The following NBAS variants were observed in gnomAD, a reference collection of about 807,000 sequenced individuals.
The protein encoded by NBAS is NAG/BC035112 fusion.
In NBAS, 219 loss-of-function variants were observed where a neutral mutation model predicts 302.5. That is an observed-to-expected ratio of 0.72 (90% CI 0.65 to 0.81). The LOEUF (loss-of-function observed/expected upper bound fraction) is 0.81, where lower values mean the gene tolerates loss of function less well. Among genes scored for constraint, NBAS ranks in the 30% least tolerant of loss-of-function variants. NBAS has a pLI of 0.00. For missense variants in NBAS, 2,932 were observed against 2,841.6 expected, an observed-to-expected ratio of 1.03 and a Z score of -0.72; for synonymous variants, 1,118 against 1,021.6, an observed-to-expected ratio of 1.09 and a Z score of -1.80.
chr2:14,957,278 C>CGTGTGTGTGTGTGTGTGTGTGTGT, the NBAS span, among the ~76,000 whole-genome samples: 3 of 147,484 alleles, frequency 2.0e-5, no homozygotes, highest in African/African-American at 7.5e-5. Context: ...TATACATATA[C>CGTGTGTGTGTGTGTGTGTGTGTGT]GTGTGTGTGT....
the NBAS span, among the ~76,000 whole-genome samples, chr2:14,994,168 T>C: frequency 6.6e-6 from 1 of 152,244 alleles, no homozygotes; most frequent in Admixed American, 6.5e-5. Context: ...CAGGAATTCA[T>C]TCATAACATG....
chr2:15,522,355 C>A (rs148909239), intron 9 of NBAS, among the ~76,000 whole-genome samples: 2 of 152,044 alleles, frequency 1.3e-5, no homozygotes, highest in Non-Finnish European at 2.9e-5. Flanking sequence ...ACATAAATCT[C>A]AAGTTTTGGC....
At chr2:15,308,659 C>G (rs1671138038) in intron 39 of NBAS, among the ~76,000 whole-genome samples, 1 of 152,208 alleles carries the variant, frequency 6.6e-6, no homozygotes, top group Admixed American at 6.5e-5. Flanking sequence ...ATTTCCTTCT[C>G]CTGCCTAATT....
At chr2:15,558,493 C>A in intron 2 of NBAS, 87 bp downstream of exon 2, 1 of 1,004,706 alleles carries the variant, frequency 1.0e-6, no homozygotes. Flanking sequence ...ACACACATTA[C>A]TTTTATTAGG....
At chr2:15,246,030 G>A (rs1453273094) in intron 44 of NBAS, among the ~76,000 whole-genome samples, 1 of 152,166 alleles carries the variant, frequency 6.6e-6, no homozygotes, top group African/African-American at 2.4e-5. Flanking sequence ...CTGAGAGTAA[G>A]TTATATGTGG....
chr2:15,360,429 G>A (rs141794928), intron 32 of NBAS, among the ~76,000 whole-genome samples: 4,124 of 151,256 alleles, frequency 0.027, 74 homozygotes, highest in Middle Eastern at 0.031. Flanking sequence ...CTGTAACCTC[G>A]TGAACTCCTT....
the NBAS span, among the ~76,000 whole-genome samples, chr2:14,936,115 G>A: frequency 1.5e-3 from 228 of 152,264 alleles, no homozygotes; most frequent in African/African-American, 4.6e-3. Context: ...ATAATGTTTA[G>A]GTCAAAATAT....
At chr2:15,066,908 G>A in the NBAS span, among the ~76,000 whole-genome samples, 1 of 152,076 alleles carries the variant, frequency 6.6e-6, no homozygotes, top group Admixed American at 6.6e-5. Flanking sequence ...GCACCCCCAT[G>A]TTCATTGCAG....
the NBAS span, among the ~76,000 whole-genome samples, chr2:15,035,494 T>C: frequency 1.3e-5 from 2 of 152,140 alleles, no homozygotes; most frequent in Admixed American, 6.5e-5. Context: ...ACTGGGCATA[T>C]ACCCAAAGGA....
chr2:15,142,051 C>T, the NBAS span, among the ~76,000 whole-genome samples: 4 of 152,328 alleles, frequency 2.6e-5, no homozygotes, highest in South Asian at 8.3e-4. Flanking sequence ...TCCAGCATTA[C>T]CTCCAATCAC....
the NBAS span, among the ~76,000 whole-genome samples, chr2:14,894,544 T>G: frequency 7.3e-5 from 11 of 151,526 alleles, no homozygotes; most frequent in African/African-American, 2.4e-4. Flanking sequence ...ATGTAAAATA[T>G]ATATATAAAT....
chr2:15,444,009 C>A (rs1678588888), intron 21 of NBAS, among the ~76,000 whole-genome samples: 1 of 151,468 alleles, frequency 6.6e-6, no homozygotes, highest in East Asian at 1.9e-4. Context: ...AAAGAGGATA[C>A]AAACAAATGG....
chr2:15,551,650 C>T, intron 5 of NBAS, 114 bp from the exon 6 acceptor site: 1 of 692,728 alleles, frequency 1.4e-6, no homozygotes, highest in Non-Finnish European at 2.5e-6. Flanking sequence ...ATCATATCTC[C>T]TCTCAGACAT....
At chr2:14,832,778 TCA>T in the NBAS span, among the ~76,000 whole-genome samples, 1 of 152,230 alleles carries the variant, frequency 6.6e-6, no homozygotes, top group African/African-American at 2.4e-5. Flanking sequence ...TTGGCATTGT[TCA>T]CATTTTGACT....
intron 51 of NBAS, among the ~76,000 whole-genome samples, chr2:15,178,644 T>C (rs189907528): frequency 3.8e-4 from 58 of 152,336 alleles, no homozygotes; most frequent in Non-Finnish European, 6.0e-4. Flanking sequence ...GGGAGTTCCC[T>C]AGACCCAAAT....
At chr2:14,815,921 A>G in the NBAS span, among the ~76,000 whole-genome samples, 2 of 152,168 alleles carry the variant, frequency 1.3e-5, no homozygotes, top group Non-Finnish European at 2.9e-5. Context: ...CTCCTCACAC[A>G]TTGGTAATTA....
At chr2:15,503,223 T>C (rs998561683) in intron 11 of NBAS, among the ~76,000 whole-genome samples, 2 of 152,144 alleles carry the variant, frequency 1.3e-5, no homozygotes, top group African/African-American at 4.8e-5. Flanking sequence ...AAGGCTGTTT[T>C]ATGGTTAACT....
chr2:15,393,534 G>A (rs780096200), intron 28 of NBAS: 25 of 379,568 alleles, frequency 6.6e-5, no homozygotes, highest in Non-Finnish European at 1.1e-4. Context: ...TTAAAAAACA[G>A]TTTGGCAGTT....
chr2:15,442,118 G>C (rs1177990655), intron 21 of NBAS, among the ~76,000 whole-genome samples: 2 of 129,690 alleles, frequency 1.5e-5, no homozygotes, highest in African/African-American at 2.9e-5. Context: ...AGTTAACAAG[G>C]ATACCCAGGA....
Sources: gnomAD v4.1 joint callset for allele counts (sites outside exome capture counted in the v4.1 genomes callset) on GRCh38, gnomAD v4.1.1 for gene constraint, MANE v1.5 for transcripts, NCBI Gene and HGNC (gene_info 2026-07-23, HGNC 2026-07-21) for gene names.